The following DCAKD variants were observed in gnomAD, a reference collection of about 807,000 sequenced individuals.
DCAKD encodes the protein dephospho-CoA kinase domain-containing protein.
DCAKD carries 15 observed loss-of-function variants against 18.7 expected under a neutral mutation model. That is an observed-to-expected ratio of 0.80 (90% confidence interval 0.54 to 1.24). DCAKD has a LOEUF of 1.24. Ranked by LOEUF, DCAKD falls within the 50% of genes most tolerant of loss-of-function variation. DCAKD has a pLI of 0.00. For missense variants in DCAKD, 301 were observed against 322.0 expected (o/e 0.93, Z 0.50); for synonymous variants, 130 against 133.0 (o/e 0.98, Z 0.16).
chr17:45,026,232 T>C (rs2053053632), intron 4 of DCAKD, among the ~76,000 whole-genome samples: 1 of 144,664 alleles, frequency 6.9e-6, no homozygotes, highest in Non-Finnish European at 1.5e-5. Context: ...TTTTTTTTTT[T>C]TTTTTCTTTT....
At position 45,034,328 on chromosome 17, in the gene DCAKD, G is replaced by C; in HGVS notation, c.175C>G (p.Leu59Val). 1 of 1,614,096 alleles carries C rather than the reference G, an allele frequency of 6.2e-7. No individual in the cohort carries two copies. Among genetic ancestry groups the C allele is most frequent in the Non-Finnish European group, 8.5e-7 (1 of 1,180,040 alleles). Residue 59 changes from leucine (L) to valine (V), a missense_variant, in exon 3 of 5, where the codon CTG becomes GTG. By Grantham distance (32) the Leu-to-Val change is conservative. Coordinates refer to ENST00000651974, the MANE Select transcript of DCAKD (RefSeq NM_001288655.2). ...TTGCGATTTATGTCGCCGTTCTCCA[G>C]CAAGACCTCAGTGCCGAAGACCTCT... ...IVEVFGTEVL[L>V]ENGDINRKVL...
At chr17:45,037,636 T>A (rs2053332685) in intron 1 of DCAKD, among the ~76,000 whole-genome samples, 1 of 152,074 alleles carries the variant, frequency 6.6e-6, no homozygotes. Context: ...TTTTTGTATT[T>A]TTAGTAGACA....
intron 1 of DCAKD, among the ~76,000 whole-genome samples, chr17:45,044,648 T>A (rs4793181): frequency 6.6e-6 from 1 of 151,218 alleles, no homozygotes; most frequent in African/African-American, 2.4e-5. Flanking sequence ...GCCGAGATTG[T>A]GCCATTGCAC....
chr17:45,059,677 G>T (rs2053827296), intron 1 of DCAKD, among the ~76,000 whole-genome samples: 2 of 152,110 alleles, frequency 1.3e-5, no homozygotes, highest in Non-Finnish European at 1.5e-5. Flanking sequence ...TCAGAAAATG[G>T]GACTTTTATG....
chr17:45,026,564 T>A (rs1379170880), intron 4 of DCAKD: 1 of 961,478 alleles, frequency 1.0e-6, no homozygotes, highest in East Asian at 1.1e-4. Flanking sequence ...GGTCTTGCTG[T>A]GTTGCCTACA....
At chr17:45,056,030 C>G (rs1250691352), upstream of DCAKD, among the ~76,000 whole-genome samples, 1 of 152,036 alleles carries the variant, frequency 6.6e-6, no homozygotes, top group Non-Finnish European at 1.5e-5. Flanking sequence ...TGGCTCGCAC[C>G]TGTAATCCCA....
At chr17:45,043,242 T>C (rs564488789) in intron 1 of DCAKD, among the ~76,000 whole-genome samples, 60 of 149,032 alleles carry the variant, frequency 4.0e-4, no homozygotes, top group African/African-American at 1.4e-3. Context: ...GGTGACAGAG[T>C]GAGACTCTGT....
At chr17:45,027,753 C>T (rs563374601) in intron 4 of DCAKD, among the ~76,000 whole-genome samples, 3 of 152,128 alleles carry the variant, frequency 2.0e-5, no homozygotes, top group Admixed American at 6.5e-5. Flanking sequence ...TTTGGGAGGC[C>T]GAGACAGGTA....
Position 45,034,830 on chromosome 17 carries a change from T to G in DCAKD, c.56A>C (p.Gln19Pro). ...CGCACAGCCCAGCTGCTGGAACACC[T>G]GGATCACTGAGCTCTTGCCTGAGGC... ...GIASGKSSVI[Q>P]VFQQLGCAVI... Residue 19 changes from glutamine to proline, a missense_variant, in exon 2 of 5, where the codon CAG (glutamine) becomes CCG (proline). By Grantham distance (76) the Gln-to-Pro change is moderately conservative. Transcript: ENST00000651974. The G allele has an allele frequency of 6.2e-7, 1 of 1,614,182 alleles. No individual in the cohort carries two copies. The highest frequency in any genetic ancestry group is 8.5e-7 in the Non-Finnish European group (1 of 1,180,020).
At chr17:45,032,280 G>A (rs929858605) in intron 3 of DCAKD, among the ~76,000 whole-genome samples, 3 of 152,198 alleles carry the variant, frequency 2.0e-5, no homozygotes, top group African/African-American at 7.2e-5. Flanking sequence ...CTGCGGCATG[G>A]TGCTGAGATG....
chr17:45,051,687 G>A (rs1427374379), upstream of DCAKD: 2 of 145,738 alleles, frequency 1.4e-5, no homozygotes, highest in Non-Finnish European at 3.0e-5. Flanking sequence ...AGGCGGGGCC[G>A]GGAGAGGTTG....
At chr17:45,030,211 A>G (rs2053147186) in intron 3 of DCAKD, 32 bp from the exon 4 acceptor site, 1 of 1,595,722 alleles carries the variant, frequency 6.3e-7, no homozygotes, top group Non-Finnish European at 8.6e-7. Context: ...CCCAAGTTCA[A>G]TTCTGCAAGC....
chr17:45,050,756 CTT>C (rs1260191196), intron 1 of DCAKD, among the ~76,000 whole-genome samples: 1 of 151,724 alleles, frequency 6.6e-6, no homozygotes, highest in East Asian at 1.9e-4. Context: ...AGAATTGAGA[CTT>C]AATGTCAAAG....
Position 45,034,720 on chromosome 17 carries a change from C to T in DCAKD, c.112+54G>A, listed in dbSNP as rs536940892. On this transcript the variant is annotated intron_variant, in intron 2 of 4. Transcript: ENST00000651974. ...AAAAAAAGGAGGCATGGCAGAAGGC[C>T]GGAAGCGTGGGGAGCTGCTGTGCAC... 4.4e-5 allele frequency: 70 copies of T among 1,573,982 alleles called. 1 individual carries two copies. In the South Asian group the frequency reaches 6.1e-4, roughly 14 times the overall value.
chr17:45,030,046 T>C, intron 4 of DCAKD, 46 bp downstream of exon 4: 1 of 1,538,304 alleles, frequency 6.5e-7, no homozygotes, highest in Non-Finnish European at 9.0e-7. Context: ...GTTTCCCAGA[T>C]ACCCCCATGG....
intron 1 of DCAKD, among the ~76,000 whole-genome samples, chr17:45,037,544 C>T (rs1195011477): frequency 3.3e-5 from 5 of 151,764 alleles, no homozygotes; most frequent in African/African-American, 7.3e-5. Context: ...CTGCAACCTC[C>T]GCCTCTCAGG....
In DCAKD at chr17:45,033,113, A is replaced by C. The variant is rs536138101; in HGVS notation, c.316+1074T>G. On this transcript the variant is annotated intron_variant, in intron 3 of 4. Coordinates refer to ENST00000651974, the MANE Select transcript of DCAKD (RefSeq NM_001288655.2). ...GTAATCCCAGCACTTTGGGAGGACA[A>C]GGTGGGAGGATTGCTTGAGGCCAGG... is the stretch of plus-strand genomic sequence containing the variant. Among the ~76,000 whole-genome samples the C allele has an allele frequency of 5.3e-5, 8 of 152,328 alleles. No individual in the cohort carries two copies. The South Asian group carries it at 1.7e-3, about 32-fold the overall frequency.
chr17:45,037,845 C>A (rs2053338782), intron 1 of DCAKD, among the ~76,000 whole-genome samples: 2 of 151,104 alleles, frequency 1.3e-5, no homozygotes, highest in Non-Finnish European at 2.9e-5. Flanking sequence ...CGGCTCACTG[C>A]AAGCTCTGCC....
chr17:45,025,078 C>T (rs1294038590), intron 4 of DCAKD, among the ~76,000 whole-genome samples: 3 of 145,506 alleles, frequency 2.1e-5, no homozygotes, highest in African/African-American at 7.7e-5. Flanking sequence ...ATTCCCCAGT[C>T]ATAAGGTGGG....
Sources: gnomAD v4.1 joint callset for allele counts (sites outside exome capture counted in the v4.1 genomes callset) on GRCh38, gnomAD v4.1.1 for gene constraint, MANE v1.5 for transcripts, NCBI Gene and HGNC (gene_info 2026-07-23, HGNC 2026-07-21) for gene names.